Variants in NBEA observed in about 807,000 individuals in gnomAD.
The protein encoded by NBEA is neurobeachin, also known as lysosomal-trafficking regulator 2.
NBEA carries 44 observed loss-of-function variants against 343.4 expected under a neutral mutation model. The observed-to-expected ratio is 0.13, with a 90% CI of 0.10 to 0.16. The LOEUF (loss-of-function observed/expected upper bound fraction) is 0.16, where lower values mean the gene tolerates loss of function less well. NBEA is among the 10% of genes least tolerant of loss of function. The probability of loss-of-function intolerance (pLI) is 1.00; values close to 1 mark genes in which losing one functional copy is unlikely to be tolerated. For missense variants in NBEA, 2,555 were observed against 3,631.3 expected, an observed-to-expected ratio of 0.70 and a Z score of 7.62; for synonymous variants, 1,175 against 1,238.7, an observed-to-expected ratio of 0.95 and a Z score of 1.08.
intron 49 of NBEA, among the ~76,000 whole-genome samples, chr13:35,637,874 G>C (rs767480996): frequency 2.6e-5 from 4 of 151,910 alleles, no homozygotes; most frequent in Non-Finnish European, 4.4e-5. Context: ...GTGGATAGAT[G>C]AATGGATAAA....
At chr13:35,051,338 A>G (rs528861788) in intron 6 of NBEA, among the ~76,000 whole-genome samples, 2 of 152,058 alleles carry the variant, frequency 1.3e-5, no homozygotes, top group South Asian at 4.2e-4. Flanking sequence ...GATGAACCCA[A>G]ATGTGGTGAG....
chr13:35,649,783 C>A lies in NBEA; in HGVS notation c.7899C>A (p.Ile2633=), dbSNP rs1291459298. The change falls in exon 52 of 59, where the codon ATC becomes ATA. Residue 2633 remains isoleucine, a synonymous_variant. Transcript: ENST00000379939. ...CCAACACTCTGCCCCACTTGACCAT[C>A]CCCGCAGTGGTGACAGTGACTTGCA... ...VAANTLPHLT[I]PAVVTVTCSR... is the part of the protein sequence containing the mutation. 6.8e-6 allele frequency: 11 copies of A among 1,614,014 alleles called. No individual in the cohort carries two copies. In the East Asian group the frequency reaches 2.5e-4, roughly 36 times the overall value.
At chr13:34,997,522 A>G (rs1207562000) in intron 1 of NBEA, among the ~76,000 whole-genome samples, 1 of 152,206 alleles carries the variant, frequency 6.6e-6, no homozygotes, top group African/African-American at 2.4e-5. Context: ...GTTGTTTAAA[A>G]ATATTTATGC....
At chr13:35,651,539 C>A (rs2084523319) in intron 52 of NBEA, among the ~76,000 whole-genome samples, 2 of 152,100 alleles carry the variant, frequency 1.3e-5, no homozygotes, top group South Asian at 2.1e-4. Context: ...ATAAATGTTA[C>A]AATCTTCTAT....
chr13:35,630,070 T>C (rs964872643), intron 49 of NBEA, among the ~76,000 whole-genome samples: 3 of 152,004 alleles, frequency 2.0e-5, no homozygotes, highest in African/African-American at 7.2e-5. Context: ...ATAAATTAAA[T>C]AAATTAAATA....
At chr13:34,973,626 A>C (rs1217938749) in intron 1 of NBEA, among the ~76,000 whole-genome samples, 1 of 152,154 alleles carries the variant, frequency 6.6e-6, no homozygotes, top group Non-Finnish European at 1.5e-5. Context: ...TGGACTCTCC[A>C]GGGCCTGCAG....
intron 33 of NBEA, among the ~76,000 whole-genome samples, chr13:35,221,998 G>T (rs981992916): frequency 6.6e-6 from 1 of 152,064 alleles, no homozygotes; most frequent in South Asian, 2.1e-4. Context: ...AAGTGTTTTT[G>T]ATTTTGTCCA....
At chr13:34,992,839 A>T (rs1388847110) in intron 1 of NBEA, among the ~76,000 whole-genome samples, 2 of 136,434 alleles carry the variant, frequency 1.5e-5, no homozygotes, top group African/African-American at 5.4e-5. Context: ...CACCCGGCTA[A>T]TTTTTTTTTT....
At chr13:35,091,545 A>C (rs1465660432) in intron 10 of NBEA, among the ~76,000 whole-genome samples, 2 of 151,996 alleles carry the variant, frequency 1.3e-5, no homozygotes, top group Non-Finnish European at 2.9e-5. Flanking sequence ...AAAATTCTCA[A>C]GGAAATGACT....
At chr13:35,166,205 CA>C (rs1481095655) in intron 24 of NBEA, among the ~76,000 whole-genome samples, 1 of 152,000 alleles carries the variant, frequency 6.6e-6, no homozygotes, top group African/African-American at 2.4e-5. Flanking sequence ...AACAGTTTAG[CA>C]ATAAGTTATT....
chr13:35,527,349 G>A (rs9574088), intron 41 of NBEA, among the ~76,000 whole-genome samples: 20,212 of 152,142 alleles, frequency 0.13, 1,756 homozygotes, highest in East Asian at 0.34. Flanking sequence ...CCGGCTTCAG[G>A]CCATTCCTGG....
chr13:35,296,121 G>T (rs758862208), intron 35 of NBEA, among the ~76,000 whole-genome samples: 7 of 152,224 alleles, frequency 4.6e-5, no homozygotes, highest in Non-Finnish European at 1.0e-4. Flanking sequence ...CCTGATCGCG[G>T]TGGCTCACGC....
chr13:35,327,309 A>G (rs763831400), intron 36 of NBEA, among the ~76,000 whole-genome samples: 26 of 152,234 alleles, frequency 1.7e-4, no homozygotes, highest in Non-Finnish European at 1.6e-4. Context: ...TTGTTCTACC[A>G]AGAAAACACA....
At chr13:35,331,654 G>T (rs2038934017) in intron 36 of NBEA, among the ~76,000 whole-genome samples, 1 of 152,032 alleles carries the variant, frequency 6.6e-6, no homozygotes, top group Non-Finnish European at 1.5e-5. Context: ...CATAAAGTCA[G>T]TTACTTCCAA....
At chr13:35,083,980 G>A (rs924749106) in intron 10 of NBEA, among the ~76,000 whole-genome samples, 4 of 152,066 alleles carry the variant, frequency 2.6e-5, no homozygotes, top group African/African-American at 9.7e-5. Context: ...AGACAAAGAA[G>A]GCCATTACAT....
chr13:35,189,581 G>A (rs2072018156), intron 30 of NBEA, among the ~76,000 whole-genome samples: 1 of 151,820 alleles, frequency 6.6e-6, no homozygotes. Context: ...TAGGGCAAGA[G>A]AAAAGCAAAA....
chr13:35,016,899 C>T (rs2061677935), intron 1 of NBEA, among the ~76,000 whole-genome samples: 1 of 152,036 alleles, frequency 6.6e-6, no homozygotes, highest in Admixed American at 6.6e-5. Context: ...TATTTAGAAA[C>T]CAACTAAAAT....
intron 23 of NBEA, among the ~76,000 whole-genome samples, chr13:35,163,438 G>A (rs2069727359): frequency 6.6e-6 from 1 of 151,828 alleles, no homozygotes; most frequent in African/African-American, 2.4e-5. Flanking sequence ...AGGATAGCTG[G>A]AGCTCAGGAG....
chr13:35,562,842 C>T (rs1306720201), intron 44 of NBEA, among the ~76,000 whole-genome samples: 1 of 152,030 alleles, frequency 6.6e-6, no homozygotes, highest in East Asian at 1.9e-4. Context: ...ATTTTGCTGT[C>T]ATTAACATTT....
Sources: allele counts gnomAD v4.1 joint callset (sites outside exome capture counted in the v4.1 genomes callset), GRCh38; gene constraint gnomAD v4.1.1; transcripts MANE v1.5; gene names NCBI Gene and HGNC (gene_info 2026-07-23, HGNC 2026-07-21).